The following AGAP4 variants were observed in gnomAD, a reference collection of about 807,000 sequenced individuals.
AGAP4 encodes the protein arf-GAP with GTPase, ANK repeat and PH domain-containing protein 4.
In AGAP4, 13 loss-of-function variants were observed where a neutral mutation model predicts 60.7. The ratio of observed to expected loss-of-function variants is 0.21; its 90% CI spans 0.14 to 0.34. The LOEUF (loss-of-function observed/expected upper bound fraction) is 0.34, where lower values mean the gene tolerates loss of function less well. Among genes scored for constraint, AGAP4 ranks in the 10% least tolerant of loss-of-function variants. AGAP4 has a pLI of 1.00. For missense variants in AGAP4, 169 were observed against 884.0 expected (o/e 0.19, Z 10.26); for synonymous variants, 70 against 339.0 (o/e 0.21, Z 8.72).
rs1207251009 is a variant in AGAP4 at position 45,831,427 on chromosome 10, A to G, written c.500T>C (p.Val167Ala). Residue 167 changes from valine to alanine, a missense_variant and splice_region_variant, in exon 6 of 8, where the codon GTG becomes GCG. Physicochemically the swap from Val to Ala is moderately conservative, Grantham distance 64. Transcript: ENST00000616763. ...QHYLTMTIIS[V>A]TLEIPHHITQ... ...GATATGATGAGGTATCTCCAAGGTC[A>G]CACTGTGGAAGGAAAAAAATTCATA... 46 of 1,587,930 alleles carry G rather than the reference A, an allele frequency of 2.9e-5. 1 individual carries two copies. In the Middle Eastern group the frequency reaches 5.1e-4, roughly 17 times the overall value.
At position 45,834,098 on chromosome 10, in the gene AGAP4, TG is replaced by T; in HGVS notation, c.414del (p.Phe138LeufsTer25). On this transcript the variant is annotated frameshift_variant, in exon 5 of 8. Coordinates refer to ENST00000616763, the MANE Select transcript of AGAP4 (RefSeq NM_001276343.3). LOFTEE classifies it high-confidence loss of function. ...GTCGAACACAAGCTGTATTGTTGAC[TG>T]AAACGCACAGTAGATACCTGAAGGG... ...NCTNHVSTVR[F>X]SQQYSLCSTI... 1 of 1,592,138 alleles carries T rather than the reference TG, an allele frequency of 6.3e-7. No homozygotes were observed. Among genetic ancestry groups the T allele is most frequent in the South Asian group, 1.1e-5 (1 of 89,976 alleles).
In AGAP4 at chr10:45,847,403, C is replaced by T. The variant is rs1310399777; in HGVS notation, c.-56G>A. 1 of 1,557,256 alleles carries T rather than the reference C, an allele frequency of 6.4e-7. No homozygotes were observed. The highest frequency in any genetic ancestry group is 8.6e-7 in the Non-Finnish European group (1 of 1,158,282). ...GCCTCTGCTCACAGCTTTGGCCACG[C>T]ACTCCCGCTGTCCTAGGCCGAGGCT... is the stretch of plus-strand genomic sequence containing the variant. On this transcript the variant is annotated 5_prime_UTR_variant, in exon 1 of 8. Coordinates refer to ENST00000616763, the MANE Select transcript of AGAP4 (RefSeq NM_001276343.3).
chr10:45,853,887 G>A, upstream of AGAP4: 2 of 1,209,292 alleles, frequency 1.7e-6, no homozygotes, highest in Non-Finnish European at 2.1e-6. Flanking sequence ...GTTCAGTTCA[G>A]GTCTCTCATG....
chr10:45,834,774 AT>A (rs2058789777), intron 4 of AGAP4, among the ~76,000 whole-genome samples: 1 of 137,686 alleles, frequency 7.3e-6, no homozygotes, highest in African/African-American at 3.0e-5. Flanking sequence ...TAATTAATTA[AT>A]TTATTTATTT....
upstream of AGAP4, chr10:45,847,532 G>T (rs1392033450): frequency 1.5e-5 from 23 of 1,485,864 alleles, no homozygotes; most frequent in Middle Eastern, 2.4e-4. Flanking sequence ...GCCCCGGCTA[G>T]GGCTGCGGGC....
chr10:45,830,679 G>T (rs1444264434), intron 6 of AGAP4, among the ~76,000 whole-genome samples: 2 of 127,624 alleles, frequency 1.6e-5, no homozygotes, highest in African/African-American at 3.0e-5. Context: ...TAGAGACGGG[G>T]CTTCGCTGTG....
chr10:45,831,842 C>A (rs12356735), intron 5 of AGAP4, among the ~76,000 whole-genome samples: 7 of 138,994 alleles, frequency 5.0e-5, no homozygotes, highest in Non-Finnish European at 1.1e-4. Flanking sequence ...CAGGTTCAAG[C>A]GATTCTCATG....
intron 1 of AGAP4, 130 bp from the exon 2 acceptor site, chr10:45,846,885 G>A: frequency 1.2e-6 from 1 of 851,878 alleles, no homozygotes; most frequent in Admixed American, 2.8e-5. Context: ...GGGAGAATGA[G>A]ATGAGAGAGC....
Position 45,827,512 on chromosome 10 carries a change from C to T in AGAP4, c.586-122G>A, listed in dbSNP as rs1590012148. Reference sequence around the variant, plus strand: ...TCTGGGCCAGGCATGGTGGCTCACACCTGTAATCACAGCACTTTGGGAGGC... The same window carrying T: ...TCTGGGCCAGGCATGGTGGCTCACATCTGTAATCACAGCACTTTGGGAGGC... On this transcript the variant is annotated intron_variant, in intron 7 of 7. Transcript: ENST00000616763. 2.5e-5 allele frequency: 17 copies of T among 686,888 alleles called. No individual in the cohort carries two copies. The East Asian group carries it at 6.2e-4, about 25-fold the overall frequency. The allele number at this position is 686,888 out of a possible 1,614,324, so 42.5% of individuals were successfully genotyped here. A position where few individuals can be genotyped will look rare whatever the true frequency, so the allele number is the denominator to read the frequency against.
upstream of AGAP4, chr10:45,848,796 GGA>G (rs1297680456): frequency 6.6e-6 from 1 of 151,992 alleles, no homozygotes; most frequent in African/African-American, 2.4e-5. Context: ...GGAGGCCTCA[GGA>G]AACTTAGAAT....
At chr10:45,836,859 G>T (rs1340749665) in intron 4 of AGAP4, among the ~76,000 whole-genome samples, 1 of 141,356 alleles carries the variant, frequency 7.1e-6, no homozygotes, top group Non-Finnish European at 1.5e-5. Flanking sequence ...TTTGATCATG[G>T]TGGATTATCT....
chr10:45,851,488 T>G (rs1249137259), upstream of AGAP4, among the ~76,000 whole-genome samples: 3,699 of 151,180 alleles, frequency 0.024, 164 homozygotes, highest in African/African-American at 0.084. Context: ...ATTGGGCTTG[T>G]GTGTGTGTGT....
chr10:45,839,562 T>G, intron 4 of AGAP4, among the ~76,000 whole-genome samples: 1 of 129,768 alleles, frequency 7.7e-6, no homozygotes, highest in Non-Finnish European at 1.7e-5. Flanking sequence ...CCAGGCCTGC[T>G]TTTACTTTCC....
At chr10:45,842,253 CT>C (rs1351369139) in intron 3 of AGAP4, among the ~76,000 whole-genome samples, 1 of 141,242 alleles carries the variant, frequency 7.1e-6, no homozygotes, top group African/African-American at 2.6e-5. Flanking sequence ...AATTTGTTTT[CT>C]TTTTTGAGAT....
At chr10:45,838,004 T>C (rs1374487946) in intron 4 of AGAP4, among the ~76,000 whole-genome samples, 3,314 of 150,404 alleles carry the variant, frequency 0.022, 84 homozygotes, top group African/African-American at 0.077. Context: ...CTCAAACAAA[T>C]TACAATTACA....
At chr10:45,841,893 T>A (rs1186676554) in intron 3 of AGAP4, among the ~76,000 whole-genome samples, 2 of 151,988 alleles carry the variant, frequency 1.3e-5, no homozygotes, top group Admixed American at 1.3e-4. Context: ...TTTAGTTTAC[T>A]TTTTGTTTCT....
chr10:45,849,244 A>AAACCC (rs2059049378), upstream of AGAP4, among the ~76,000 whole-genome samples: 1 of 150,160 alleles, frequency 6.7e-6, no homozygotes, highest in Non-Finnish European at 1.5e-5. Context: ...AAACAAAACA[A>AAACCC]AACCCTATAA....
chr10:45,826,673 C>T lies in AGAP4; in HGVS notation c.1303G>A (p.Val435Ile). 1 of 1,349,748 alleles carries T rather than the reference C, an allele frequency of 7.4e-7. No individual in the cohort carries two copies. Among genetic ancestry groups the T allele is most frequent in the Non-Finnish European group, 1.0e-6 (1 of 990,958 alleles). 83.6% of individuals were successfully genotyped at this position (1,349,748 alleles called of 1,614,324 possible). ...AGGATCTGGCTCTGGATGGCTTGGACCCAGGCATCCCGCTCCTCATACGTC... is the reference window on the plus strand; with the variant it reads ...AGGATCTGGCTCTGGATGGCTTGGATCCAGGCATCCCGCTCCTCATACGTC... The part of the protein sequence containing the change: ...ATTYEERDAW[V>I]QAIQSQILAS... The change falls in exon 8 of 8, where the codon GTC becomes ATC. Residue 435 changes from valine to isoleucine, a missense_variant. Transcript: ENST00000616763.
At chr10:45,836,322 C>A (rs1433009348) in intron 4 of AGAP4, among the ~76,000 whole-genome samples, 2 of 152,030 alleles carry the variant, frequency 1.3e-5, no homozygotes, top group African/African-American at 2.4e-5. Context: ...AACAGAGCTA[C>A]TGATTTGTGT....
Sources: gnomAD v4.1 joint callset for allele counts (sites outside exome capture counted in the v4.1 genomes callset) on GRCh38, gnomAD v4.1.1 for gene constraint, MANE v1.5 for transcripts, NCBI Gene and HGNC (gene_info 2026-07-23, HGNC 2026-07-21) for gene names.